GRM5: variants seen among roughly 807,000 people sequenced by gnomAD.
GRM5 encodes glutamate metabotropic receptor 5.
GRM5 carries 19 observed loss-of-function variants against 83.1 expected under a neutral mutation model. The observed-to-expected ratio is 0.23, with a 90% confidence interval of 0.16 to 0.34. The LOEUF (loss-of-function observed/expected upper bound fraction) is 0.34. GRM5 is among the 10% of genes least tolerant of loss of function. GRM5 has a pLI of 1.00. For missense variants in GRM5, 1,160 were observed against 1,588.3 expected, an observed-to-expected ratio of 0.73 and a Z score of 4.58; for synonymous variants, 675 against 633.6, an observed-to-expected ratio of 1.07 and a Z score of -0.98.
Position 88,704,012 on chromosome 11 carries a change from A to T in GRM5, c.912-50609T>A, listed in dbSNP as rs149998205. On this transcript the variant is annotated intron_variant, in intron 3 of 9. Coordinates refer to ENST00000305447, the MANE Select transcript of GRM5 (RefSeq NM_001143831.3). ...CCACAGTTAAGGCCCTAGTAGCTTC[A>T]GTGTTTGGTGAGGGCCTGCTTCCTG... is the stretch of plus-strand genomic sequence containing the variant. Among the ~76,000 whole-genome samples the T allele has an allele frequency of 3.9e-5, 6 of 152,104 alleles. No individual in the cohort carries two copies. In the East Asian group the frequency reaches 1.2e-3, roughly 30 times the overall value.
At chr11:88,519,170 G>A (rs762666822) in intron 9 of GRM5, among the ~76,000 whole-genome samples, 1 of 151,692 alleles carries the variant, frequency 6.6e-6, no homozygotes, top group Non-Finnish European at 1.5e-5. Flanking sequence ...GCTAGGTGGA[G>A]CAGCAATGGG....
chr11:88,735,398 G>T (rs1418484304), intron 3 of GRM5, among the ~76,000 whole-genome samples: 2 of 151,954 alleles, frequency 1.3e-5, no homozygotes, highest in African/African-American at 2.4e-5. Context: ...CTTGTTGTTT[G>T]GTTTCACACT....
In GRM5 at chr11:88,530,878, T is replaced by C. The variant is rs531224960; in HGVS notation, c.2631-5474A>G. On this transcript the variant is annotated intron_variant, in intron 8 of 9. Transcript: ENST00000305447. ...ATGCCTTATGTGAGGCTGATCAAGT[T>C]TGAGTAAGTGACCAGGAATAGGAAC... 7.2e-5 allele frequency among the ~76,000 whole-genome samples: 11 copies of C among 152,122 alleles called. No homozygotes were observed. The South Asian group carries it at 2.3e-3, about 31-fold the overall frequency.
At chr11:89,019,914 T>A (rs1295185581) in intron 2 of GRM5, among the ~76,000 whole-genome samples, 1 of 152,164 alleles carries the variant, frequency 6.6e-6, no homozygotes, top group African/African-American at 2.4e-5. Flanking sequence ...GAGGCCCCTC[T>A]TATTATGATT....
In GRM5 at chr11:88,509,189, C is replaced by G; in HGVS notation, c.3042G>C (p.Ala1014=). Residue 1014 remains alanine, a synonymous_variant, in exon 10 of 10, where the codon GCG becomes GCC. Transcript: ENST00000305447. ...AEAEEHFPAP[A]RPRSPSPIST... ...TGATGGGCGACGGTGAGCGCGGCCG[C>G]GCGGGCGCCGGGAAGTGCTCCTCAG... 1 of 1,533,942 alleles carries G rather than the reference C, an allele frequency of 6.5e-7. No individual in the cohort carries two copies. Among genetic ancestry groups the G allele is most frequent in the Admixed American group, 2.0e-5 (1 of 50,332 alleles).
intron 2 of GRM5, among the ~76,000 whole-genome samples, chr11:88,926,989 A>G (rs1945801292): frequency 6.6e-6 from 1 of 152,194 alleles, no homozygotes; most frequent in Admixed American, 6.6e-5. Flanking sequence ...TGTTTGAACT[A>G]TTCACAGGAA....
intron 3 of GRM5, among the ~76,000 whole-genome samples, chr11:88,767,888 A>C (rs1196855669): frequency 6.6e-6 from 1 of 151,948 alleles, no homozygotes; most frequent in East Asian, 1.9e-4. Flanking sequence ...AAACTATGAG[A>C]TACCACCTTA....
intron 4 of GRM5, among the ~76,000 whole-genome samples, chr11:88,616,785 A>G (rs1485196800): frequency 1.3e-5 from 2 of 152,158 alleles, no homozygotes; most frequent in East Asian, 3.8e-4. Flanking sequence ...TAAACATTCA[A>G]TACAAAAATT....
chr11:88,812,281 A>C (rs1532546), intron 3 of GRM5, among the ~76,000 whole-genome samples: 44,903 of 144,060 alleles, frequency 0.31, 6,990 homozygotes, highest in South Asian at 0.54. Context: ...AGAGGCCCCC[A>C]AAAATTGAGA....
intron 3 of GRM5, among the ~76,000 whole-genome samples, chr11:88,815,721 C>A (rs1943664122): frequency 6.6e-6 from 1 of 152,136 alleles, no homozygotes; most frequent in Non-Finnish European, 1.5e-5. Context: ...CTTGTGGGAA[C>A]TAACAGAGTG....
At chr11:88,574,057 T>A (rs1943056920) in intron 7 of GRM5, among the ~76,000 whole-genome samples, 1 of 152,164 alleles carries the variant, frequency 6.6e-6, no homozygotes, top group South Asian at 2.1e-4. Flanking sequence ...ATTTATAATC[T>A]ATTTTGTGGT....
chr11:88,853,151 G>A (rs1944416207), intron 2 of GRM5, among the ~76,000 whole-genome samples: 1 of 152,126 alleles, frequency 6.6e-6, no homozygotes, highest in Non-Finnish European at 1.5e-5. Context: ...TTGGAATTAT[G>A]TGGAGAAAAT....
At chr11:88,855,702 G>A (rs1469649200) in intron 2 of GRM5, among the ~76,000 whole-genome samples, 3 of 151,844 alleles carry the variant, frequency 2.0e-5, no homozygotes, top group African/African-American at 4.8e-5. Context: ...GTCAGGAAAT[G>A]AGTTAAGGTA....
At chr11:88,994,463 ATATAT>A (rs1156609514) in intron 2 of GRM5, among the ~76,000 whole-genome samples, 24 of 100,122 alleles carry the variant, frequency 2.4e-4, no homozygotes, top group African/African-American at 7.2e-4. Flanking sequence ...ATATATATAT[ATATAT>A]ATATATATAT....
chr11:88,792,911 C>T (rs1029818517), intron 3 of GRM5, among the ~76,000 whole-genome samples: 3 of 151,914 alleles, frequency 2.0e-5, no homozygotes, highest in African/African-American at 7.2e-5. Context: ...GGCCTTGTGG[C>T]CCATGTAAGA....
intron 6 of GRM5, 105 bp from the exon 7 acceptor site, chr11:88,590,832 C>T: frequency 1.5e-6 from 1 of 683,090 alleles, no homozygotes; most frequent in Non-Finnish European, 2.5e-6. Flanking sequence ...CTTTCACATA[C>T]ATTATTTTAA....
At chr11:88,922,258 A>G (rs1040166196) in intron 2 of GRM5, among the ~76,000 whole-genome samples, 7 of 152,172 alleles carry the variant, frequency 4.6e-5, no homozygotes, top group African/African-American at 1.4e-4. Context: ...GGAACCACAA[A>G]AGACTCAGAA....
intron 6 of GRM5, 74 bp from the exon 7 acceptor site, chr11:88,590,801 T>G: frequency 1.7e-6 from 2 of 1,204,926 alleles, no homozygotes; most frequent in Non-Finnish European, 2.4e-6. Context: ...TCCAATGTGC[T>G]GTTTTGCAAA....
intron 2 of GRM5, among the ~76,000 whole-genome samples, chr11:89,020,655 C>T (rs1411278005): frequency 1.3e-5 from 2 of 152,184 alleles, no homozygotes; most frequent in East Asian, 1.9e-4. Flanking sequence ...GAGGAACCAT[C>T]GATTCCAGCT....
Sources: allele counts gnomAD v4.1 joint callset (sites outside exome capture counted in the v4.1 genomes callset), GRCh38; gene constraint gnomAD v4.1.1; transcripts MANE v1.5; gene names NCBI Gene and HGNC (gene_info 2026-07-23, HGNC 2026-07-21).